The following PDE10A variants were observed in gnomAD, a reference collection of about 807,000 sequenced individuals.
PDE10A encodes the protein phosphodiesterase 10A.
Under a neutral mutation model 97.7 loss-of-function variants are expected in PDE10A, and 39 were observed. The observed-to-expected ratio is 0.40, with a 90% confidence interval of 0.31 to 0.52. PDE10A has a LOEUF of 0.52. Among genes scored for constraint, PDE10A ranks in the 20% least tolerant of loss-of-function variants. The probability of loss-of-function intolerance (pLI) is 0.56; values close to 1 mark genes in which losing one functional copy is unlikely to be tolerated. For synonymous variants in PDE10A, 371 were observed against 376.8 expected (o/e 0.98, Z 0.18); for missense variants, 731 against 1,047.8 (o/e 0.70, Z 4.17).
At chr6:165,765,030 G>T (rs949572579) in intron 1 of PDE10A, among the ~76,000 whole-genome samples, 65 of 152,264 alleles carry the variant, frequency 4.3e-4, no homozygotes, top group African/African-American at 1.5e-3. Flanking sequence ...GTTCTCCAAG[G>T]CCCCACCAGA....
intron 20 of PDE10A, among the ~76,000 whole-genome samples, chr6:165,338,001 C>T (rs75024150): frequency 6.6e-6 from 1 of 152,324 alleles, no homozygotes; most frequent in East Asian, 1.9e-4. Context: ...GAAAAGCAGA[C>T]ACCGAACAGG....
intron 1 of PDE10A, among the ~76,000 whole-genome samples, chr6:165,864,593 T>C (rs957786201): frequency 2.6e-5 from 4 of 152,202 alleles, no homozygotes; most frequent in Admixed American, 6.5e-5. Context: ...ACAGAGTAAA[T>C]TGTGAAATAT....
intron 3 of PDE10A, among the ~76,000 whole-genome samples, chr6:165,452,581 T>TG (rs1239682786): frequency 1.3e-5 from 2 of 152,170 alleles, no homozygotes; most frequent in African/African-American, 4.8e-5. Flanking sequence ...CTTTCTGCCA[T>TG]GGGATGACAC....
At chr6:165,914,279 C>T (rs1008238155) in intron 1 of PDE10A, among the ~76,000 whole-genome samples, 1 of 152,202 alleles carries the variant, frequency 6.6e-6, no homozygotes, top group African/African-American at 2.4e-5. Context: ...AGAAGACAGA[C>T]GGACATTTCC....
At chr6:165,752,608 CA>C (rs1449662897) in intron 1 of PDE10A, among the ~76,000 whole-genome samples, 2 of 152,216 alleles carry the variant, frequency 1.3e-5, no homozygotes, top group African/African-American at 4.8e-5. Flanking sequence ...AAAACCCAAA[CA>C]TGTCAAACTG....
chr6:165,962,417 G>A (rs892664554), intron 1 of PDE10A, among the ~76,000 whole-genome samples: 3 of 152,180 alleles, frequency 2.0e-5, no homozygotes, highest in Non-Finnish European at 2.9e-5. Context: ...GAACTTAGAC[G>A]TCCACCATGG....
At chr6:165,839,919 A>ATCTGC (rs1434557793) in intron 1 of PDE10A, among the ~76,000 whole-genome samples, 16 of 24,200 alleles carry the variant, frequency 6.6e-4, no homozygotes, top group South Asian at 1.3e-3. Context: ...CTCCATCCCC[A>ATCTGC]ACCTCATCTC....
At chr6:165,704,601 A>G (rs148443028) in intron 1 of PDE10A, among the ~76,000 whole-genome samples, 300 of 152,294 alleles carry the variant, frequency 2.0e-3, no homozygotes, top group African/African-American at 6.8e-3. Context: ...CAATGTGTTG[A>G]CCATTAAAAT....
At chr6:165,697,079 G>C (rs1791460787) in intron 1 of PDE10A, among the ~76,000 whole-genome samples, 1 of 152,144 alleles carries the variant, frequency 6.6e-6, no homozygotes, top group Non-Finnish European at 1.5e-5. Flanking sequence ...TACATATCAT[G>C]GAAGTACCAG....
intron 1 of PDE10A, among the ~76,000 whole-genome samples, chr6:165,831,641 C>T (rs1011236072): frequency 1.3e-5 from 2 of 151,646 alleles, no homozygotes; most frequent in Admixed American, 6.6e-5. Context: ...CCCGCCACCA[C>T]GCCCGGCTAA....
intron 1 of PDE10A, among the ~76,000 whole-genome samples, chr6:165,941,687 C>A (rs947297090): frequency 6.6e-6 from 1 of 152,184 alleles, no homozygotes; most frequent in Admixed American, 6.5e-5. Flanking sequence ...CTCCCTTTGC[C>A]TTCTGCCATG....
chr6:165,522,487 C>T (rs1782185940), intron 2 of PDE10A, among the ~76,000 whole-genome samples: 2 of 152,058 alleles, frequency 1.3e-5, no homozygotes, highest in Admixed American at 1.3e-4. Context: ...GATAAATCCA[C>T]ATAAAAGACC....
intron 1 of PDE10A, among the ~76,000 whole-genome samples, chr6:165,731,748 G>C (rs919126776): frequency 2.0e-5 from 3 of 152,210 alleles, no homozygotes; most frequent in African/African-American, 7.2e-5. Flanking sequence ...AGGACTTAGT[G>C]AGTGCTCCAG....
intron 18 of PDE10A, among the ~76,000 whole-genome samples, chr6:165,372,746 A>T (rs965552994): frequency 5.8e-5 from 7 of 120,256 alleles, no homozygotes; most frequent in African/African-American, 2.6e-4. Context: ...TTCATATGGA[A>T]CCAAAAAAGA....
intron 18 of PDE10A, among the ~76,000 whole-genome samples, chr6:165,356,234 A>G (rs1783016481): frequency 6.6e-6 from 1 of 152,098 alleles, no homozygotes; most frequent in African/African-American, 2.4e-5. Context: ...CAGCCAAACA[A>G]TATCACTTGC....
rs568612578 is a variant in PDE10A, at chr6:165,788,467, G to A, written c.-615+199062C>T. Among the ~76,000 whole-genome samples the A allele has an allele frequency of 2.7e-4, 33 of 121,188 alleles. No homozygotes were observed. In the East Asian group the frequency reaches 4.3e-3, roughly 16 times the overall value. 79.5% of individuals were successfully genotyped at this position (121,188 alleles called of 152,430 possible). A position where few individuals can be genotyped will look rare whatever the true frequency, so the allele number is the denominator to read the frequency against. ...AGGAGGCGGAGGTTTGCCATGAGCCGAGATCACACCATTGCACTCCAGCCT... is the reference window on the plus strand; with the variant it reads ...AGGAGGCGGAGGTTTGCCATGAGCCAAGATCACACCATTGCACTCCAGCCT... On this transcript the variant is annotated intron_variant, in intron 1 of 19. Coordinates refer to the PDE10A transcript ENST00000366882.
chr6:165,961,322 C>T (rs1022123494), intron 1 of PDE10A, among the ~76,000 whole-genome samples: 35 of 152,216 alleles, frequency 2.3e-4, no homozygotes, highest in Non-Finnish European at 4.0e-4. Context: ...TCAAGCAAGT[C>T]GTTAACCTTT....
chr6:165,817,509 T>C (rs77869859), intron 1 of PDE10A, among the ~76,000 whole-genome samples: 11,671 of 152,104 alleles, frequency 0.077, 1,154 homozygotes, highest in East Asian at 0.48. Context: ...GGTTGGGTGG[T>C]TAAGCATCAG....
chr6:165,856,208 G>T (rs1041743605), intron 1 of PDE10A, among the ~76,000 whole-genome samples: 1 of 152,138 alleles, frequency 6.6e-6, no homozygotes, highest in African/African-American at 2.4e-5. Context: ...CTGAAGAAAG[G>T]GCCTGGAAAT....
Sources: allele counts gnomAD v4.1 joint callset (sites outside exome capture counted in the v4.1 genomes callset), GRCh38; gene constraint gnomAD v4.1.1; transcripts MANE v1.5; gene names NCBI Gene and HGNC (gene_info 2026-07-23, HGNC 2026-07-21).